The following ZDHHC20 variants were observed in gnomAD, a reference collection of about 807,000 sequenced individuals.
The protein encoded by ZDHHC20 is palmitoyltransferase ZDHHC20.
ZDHHC20 carries 43 observed loss-of-function variants against 57.8 expected under a neutral mutation model. That is an observed-to-expected ratio of 0.74 (90% CI 0.58 to 0.96). The LOEUF is 0.96. ZDHHC20 is among the 40% of genes least tolerant of loss of function. The pLI, the probability that ZDHHC20 is intolerant of heterozygous loss-of-function variation, is 0.00. For missense variants in ZDHHC20, 391 were observed against 441.1 expected, an observed-to-expected ratio of 0.89 and a Z score of 1.02; for synonymous variants, 157 against 153.0, an observed-to-expected ratio of 1.03 and a Z score of -0.19.
chr13:21,452,423 T>G (rs913071152), intron 1 of ZDHHC20, among the ~76,000 whole-genome samples: 2 of 152,040 alleles, frequency 1.3e-5, no homozygotes, highest in Admixed American at 1.3e-4. Flanking sequence ...ATACAAAAAC[T>G]GAAATGATTC....
intron 2 of ZDHHC20, among the ~76,000 whole-genome samples, chr13:21,423,992 A>G (rs911326773): frequency 1.3e-5 from 2 of 152,136 alleles, no homozygotes; most frequent in Non-Finnish European, 2.9e-5. Flanking sequence ...TTTTAAAAAC[A>G]TTTAATATAA....
intron 6 of ZDHHC20, 126 bp downstream of exon 6, chr13:21,401,527 A>G: frequency 1.3e-6 from 1 of 758,786 alleles, no homozygotes; most frequent in African/African-American, 1.8e-5. Flanking sequence ...AAATCTATGC[A>G]TATATGTAAA....
At chr13:21,399,153 G>A (rs1284651887) in intron 7 of ZDHHC20, among the ~76,000 whole-genome samples, 1 of 152,036 alleles carries the variant, frequency 6.6e-6, no homozygotes, top group Non-Finnish European at 1.5e-5. Flanking sequence ...GACCAGCCTC[G>A]CCAGCATGGT....
intron 3 of ZDHHC20, among the ~76,000 whole-genome samples, chr13:21,418,393 C>A (rs1417039604): frequency 6.6e-6 from 1 of 152,128 alleles, no homozygotes; most frequent in African/African-American, 2.4e-5. Context: ...AAAAAAATAA[C>A]AACAACATTT....
In ZDHHC20 at chr13:21,375,337, A is replaced by T. The variant is rs996337848; in HGVS notation, c.*1359T>A. ...ACCCACTCACTGGAAGCAATCAATT[A>T]TTTTGGGGGGGGTGTGTGTGTGTGT... On this transcript the variant is annotated 3_prime_UTR_variant, in exon 13 of 13. Transcript: ENST00000400590. The T allele has an allele frequency of 1.6e-5, 6 of 366,492 alleles. No homozygotes were observed. The highest frequency in any genetic ancestry group is 1.3e-4 in the African/African-American group (6 of 46,680). The allele number at this position is 366,492 out of a possible 1,614,324, so 22.7% of individuals were successfully genotyped here.
chr13:21,389,931 A>C (rs928631461), intron 8 of ZDHHC20, among the ~76,000 whole-genome samples: 17 of 152,220 alleles, frequency 1.1e-4, no homozygotes, highest in Non-Finnish European at 2.2e-4. Context: ...TTTCAATTAA[A>C]GGTAAAGAGA....
chr13:21,413,007 CA>C (rs775571438), intron 4 of ZDHHC20, among the ~76,000 whole-genome samples: 2 of 118,544 alleles, frequency 1.7e-5, no homozygotes, highest in Non-Finnish European at 3.7e-5. Flanking sequence ...TCCCAAACAA[CA>C]AAAAAAAATT....
intron 1 of ZDHHC20, among the ~76,000 whole-genome samples, chr13:21,444,834 C>T (rs1294683589): frequency 1.3e-5 from 2 of 152,060 alleles, no homozygotes; most frequent in Non-Finnish European, 2.9e-5. Context: ...GGTGGGAGGA[C>T]TGCTTGAGCT....
chr13:21,418,560 AGAG>A (rs1395344568), intron 3 of ZDHHC20, among the ~76,000 whole-genome samples: 2 of 151,914 alleles, frequency 1.3e-5, no homozygotes, highest in Non-Finnish European at 2.9e-5. Context: ...CTCACTTTAC[AGAG>A]GAGGGATCAA....
chr13:21,450,263 T>A (rs192346819), intron 1 of ZDHHC20, among the ~76,000 whole-genome samples: 96 of 152,244 alleles, frequency 6.3e-4, no homozygotes, highest in South Asian at 2.5e-3. Context: ...TACTACTACT[T>A]CTCTGCCGGA....
At chr13:21,436,148 TGTG>T (rs1389506444) in intron 1 of ZDHHC20, among the ~76,000 whole-genome samples, 19 of 152,222 alleles carry the variant, frequency 1.2e-4, no homozygotes, top group Non-Finnish European at 1.6e-4. Flanking sequence ...ATCCGTGTGA[TGTG>T]GTGGTCTAAT....
intron 2 of ZDHHC20, among the ~76,000 whole-genome samples, chr13:21,424,832 C>A (rs901073974): frequency 6.6e-6 from 1 of 152,038 alleles, no homozygotes; most frequent in Admixed American, 6.5e-5. Context: ...GTGCTTCCAA[C>A]ATACAGGAAA....
At chr13:21,401,501 A>G (rs1191252794) in intron 6 of ZDHHC20, among the ~76,000 whole-genome samples, 152 bp downstream of exon 6, 1 of 152,230 alleles carries the variant, frequency 6.6e-6, no homozygotes, top group Non-Finnish European at 1.5e-5. Context: ...ACCATTTAAT[A>G]TAACTGTTTA....
At chr13:21,404,904 G>A (rs1878236307) in intron 4 of ZDHHC20, among the ~76,000 whole-genome samples, 1 of 152,160 alleles carries the variant, frequency 6.6e-6, no homozygotes, top group African/African-American at 2.4e-5. Context: ...GGGAAACAGA[G>A]TATACTTTGA....
At chr13:21,409,830 C>A (rs919177164) in intron 4 of ZDHHC20, among the ~76,000 whole-genome samples, 3 of 152,162 alleles carry the variant, frequency 2.0e-5, no homozygotes, top group African/African-American at 7.2e-5. Context: ...TTGGTTAGAA[C>A]ATGCTCCTTT....
At chr13:21,456,235 C>T (rs1481571084) in intron 1 of ZDHHC20, among the ~76,000 whole-genome samples, 4 of 151,990 alleles carry the variant, frequency 2.6e-5, no homozygotes, top group Non-Finnish European at 2.9e-5. Flanking sequence ...GTGAAACCCC[C>T]GTCTCTACTA....
At chr13:21,432,100 C>T (rs1882026908) in intron 1 of ZDHHC20, among the ~76,000 whole-genome samples, 1 of 151,958 alleles carries the variant, frequency 6.6e-6, no homozygotes, top group Non-Finnish European at 1.5e-5. Flanking sequence ...ATTTCATTTT[C>T]ATTTTATATC....
At chr13:21,431,141 T>C (rs1261369600) in intron 1 of ZDHHC20, among the ~76,000 whole-genome samples, 1 of 152,190 alleles carries the variant, frequency 6.6e-6, no homozygotes, top group African/African-American at 2.4e-5. Context: ...TTCACGCTGG[T>C]GATAAAGACA....
At chr13:21,429,496 T>C (rs748937938) in intron 1 of ZDHHC20, among the ~76,000 whole-genome samples, 9 of 152,162 alleles carry the variant, frequency 5.9e-5, no homozygotes, top group Non-Finnish European at 1.2e-4. Flanking sequence ...TTTTCCCCTA[T>C]AGGTAAAGTG....
Sources: allele counts gnomAD v4.1 joint callset (sites outside exome capture counted in the v4.1 genomes callset), GRCh38; gene constraint gnomAD v4.1.1; transcripts MANE v1.5; gene names NCBI Gene and HGNC (gene_info 2026-07-23, HGNC 2026-07-21).